TCF20: variants seen among roughly 807,000 people sequenced by gnomAD.
TCF20 encodes the protein transcription factor 20, also known as SPRE-binding protein.
Under a neutral mutation model 148.6 loss-of-function variants are expected in TCF20, and 3 were observed. The observed-to-expected ratio is 0.02, with a 90% CI of 0.01 to 0.05. The LOEUF is 0.05. TCF20 is among the 10% of genes least tolerant of loss of function. The probability of loss-of-function intolerance (pLI) is 1.00; values close to 1 mark genes in which losing one functional copy is unlikely to be tolerated. For synonymous variants in TCF20, 1,049 were observed against 909.5 expected, an observed-to-expected ratio of 1.15 and a Z score of -2.76; for missense variants, 2,350 against 2,429.3, an observed-to-expected ratio of 0.97 and a Z score of 0.69.
intron 1 of TCF20, among the ~76,000 whole-genome samples, chr22:42,309,126 G>A (rs1927486866): frequency 6.6e-6 from 1 of 152,096 alleles, no homozygotes; most frequent in Admixed American, 6.5e-5. Context: ...GGAGGCGGTG[G>A]ACCATGCCCA....
intron 5 of TCF20, among the ~76,000 whole-genome samples, chr22:42,166,506 G>A (rs2147044633): frequency 6.6e-6 from 1 of 152,124 alleles, no homozygotes; most frequent in East Asian, 1.9e-4. Context: ...TACTCGGGAG[G>A]GCTGAGGCGG....
chr22:42,289,509 T>C lies in TCF20; in HGVS notation c.-37+53970A>G, dbSNP rs551339957. 5.9e-5 allele frequency among the ~76,000 whole-genome samples: 9 copies of C among 152,290 alleles called. No homozygotes were observed. The East Asian group carries it at 1.7e-3, about 29-fold the overall frequency. Reference sequence around the variant, plus strand: ...CTCCTCCATGAAGTGGGAAAAATAATAGACTTTCCCCTGAGATGGCAAGGT... The same window carrying C: ...CTCCTCCATGAAGTGGGAAAAATAACAGACTTTCCCCTGAGATGGCAAGGT... On this transcript the variant is annotated intron_variant, in intron 1 of 1. Transcript: ENST00000515426.
At chr22:42,197,751 T>C (rs533662688) in intron 2 of TCF20, among the ~76,000 whole-genome samples, 1 of 152,068 alleles carries the variant, frequency 6.6e-6, no homozygotes, top group African/African-American at 2.4e-5. Flanking sequence ...GAAAAACAAA[T>C]TGAGAATAAT....
At chr22:42,255,488 A>AAAC (rs71746301) in intron 1 of TCF20, among the ~76,000 whole-genome samples, 173 of 29,308 alleles carry the variant, frequency 5.9e-3, no homozygotes, top group Admixed American at 0.019. Flanking sequence ...ACTTCATCTC[A>AAAC]AACAACAACA....
chr22:42,311,085 A>G (rs768270310), intron 1 of TCF20, among the ~76,000 whole-genome samples: 24 of 152,146 alleles, frequency 1.6e-4, no homozygotes, highest in Non-Finnish European at 3.1e-4. Flanking sequence ...CAGAAGGTGC[A>G]CACGAGTGCA....
chr22:42,325,701 C>T (rs1360716133), intron 1 of TCF20, among the ~76,000 whole-genome samples: 1 of 152,176 alleles, frequency 6.6e-6, no homozygotes, highest in South Asian at 2.1e-4. Flanking sequence ...CACCCAAGGA[C>T]GGCACCCTGA....
chr22:42,214,521 C>T lies in TCF20; in HGVS notation c.785G>A (p.Gly262Asp), dbSNP rs773376432. 6.2e-7 allele frequency: 1 copy of T among 1,614,152 alleles called. No homozygotes were observed. The highest frequency in any genetic ancestry group is 8.5e-7 in the Non-Finnish European group (1 of 1,180,038). ...RFSQSGQSYD[G>D]SYNVNAGSQY... The stretch of plus-strand genomic sequence containing the variant: ...AGATCCAGCATTCACATTGTAACTG[C>T]CATCATAGCTCTGTCCAGACTGGCT... Residue 262 changes from glycine (G) to aspartate (D), a missense_variant, in exon 2 of 6, where the codon GGC becomes GAC. Transcript: ENST00000677622.
chr22:42,343,262 C>T (rs1238200767), intron 1 of TCF20, among the ~76,000 whole-genome samples: 1 of 152,120 alleles, frequency 6.6e-6, no homozygotes, highest in African/African-American at 2.4e-5. Context: ...GGGACAAACA[C>T]CCCCTACTTC....
intron 2 of TCF20, among the ~76,000 whole-genome samples, chr22:42,194,117 C>T (rs941828263): frequency 8.5e-5 from 13 of 152,096 alleles, no homozygotes; most frequent in African/African-American, 3.1e-4. Flanking sequence ...CTTGGGGGTC[C>T]GTGGGAAAAG....
In TCF20 at chr22:42,212,646, T is replaced by G. The variant is rs1375461989; in HGVS notation, c.2660A>C (p.His887Pro). 6.2e-7 allele frequency: 1 copy of G among 1,614,206 alleles called. No homozygotes were observed. The highest frequency in any genetic ancestry group is 1.7e-5 in the Admixed American group (1 of 60,026). The change falls in exon 2 of 6, where the codon CAC becomes CCC. Residue 887 changes from histidine (H) to proline (P), a missense_variant. His to Pro is a moderately conservative substitution (Grantham distance 77, BLOSUM62 -2). This residue lies in a region of TCF20 where 1,641 missense variants were observed against 1,662.6 expected (regional missense o/e 0.99). Transcript: ENST00000677622. The part of the protein sequence containing the change: ...VRDPGAHSLG[H>P]MSADTRIGRN... ...CCCAATTCTGGTGTCGGCACTCATGTGTCCCAGTGAGTGAGCCCCTGGGTC... is the reference window on the plus strand; with the variant it reads ...CCCAATTCTGGTGTCGGCACTCATGGGTCCCAGTGAGTGAGCCCCTGGGTC...
upstream of TCF20, chr22:42,274,834 G>C (rs778616435): frequency 2.0e-5 from 3 of 152,214 alleles, no homozygotes; most frequent in Non-Finnish European, 2.9e-5. Context: ...AGGGCACCAT[G>C]TCCATTAAAA....
intron 3 of TCF20, among the ~76,000 whole-genome samples, chr22:42,173,016 G>T (rs1039674852): frequency 6.6e-6 from 1 of 152,010 alleles, no homozygotes; most frequent in African/African-American, 2.4e-5. Flanking sequence ...CCAGGGCTCT[G>T]ATGGCACCAG....
Position 42,297,974 on chromosome 22 carries a change from C to T in TCF20, c.-37+45505G>A, listed in dbSNP as rs1285350589. Among the ~76,000 whole-genome samples the T allele has an allele frequency of 2.0e-5, 3 of 152,208 alleles. No homozygotes were observed. The East Asian group carries it at 5.8e-4, about 29-fold the overall frequency. ...CAAAGGTGACCGCTCAGCCCAGCTG[C>T]TCACATCTGTACAAAGTGGTGGGGC... On this transcript the variant is annotated intron_variant, in intron 1 of 1. Coordinates refer to the TCF20 transcript ENST00000515426. This position sits in a 1 kb window ranked among gnomAD's most constrained non-coding sequence, Gnocchi z 4.3.
At chr22:42,284,473 C>G (rs1926986912), upstream of TCF20, among the ~76,000 whole-genome samples, 1 of 152,150 alleles carries the variant, frequency 6.6e-6, no homozygotes, top group African/African-American at 2.4e-5. Flanking sequence ...TTTTACCTGG[C>G]AAGGCTCAGA....
chr22:42,290,049 C>T lies in TCF20; in HGVS notation c.-37+53430G>A, dbSNP rs887965652. Among the ~76,000 whole-genome samples the T allele has an allele frequency of 6.6e-6, 1 of 152,240 alleles. No individual in the cohort carries two copies. Among genetic ancestry groups the T allele is most frequent in the Non-Finnish European group, 1.5e-5 (1 of 68,050 alleles). Reference sequence around the variant, plus strand: ...TCCAGGAATATTAATTCTCCACAGCCGGCTCACTCCCGCCGCACGCATGCG... The same window carrying T: ...TCCAGGAATATTAATTCTCCACAGCTGGCTCACTCCCGCCGCACGCATGCG... On this transcript the variant is annotated intron_variant, in intron 1 of 1. Coordinates refer to the TCF20 transcript ENST00000515426. This position sits in a 1 kb window ranked among gnomAD's most constrained non-coding sequence, Gnocchi z 4.2.
At position 42,176,055 on chromosome 22, in the gene TCF20, G is replaced by A. The variant is rs564128577; in HGVS notation, c.5749+3554C>T. On this transcript the variant is annotated intron_variant, in intron 3 of 5. Coordinates refer to ENST00000677622, the MANE Select transcript of TCF20 (RefSeq NM_001378418.1). ...AAGCAATCCTCCCACCTCAGCCTCCGAAAGTGCTGGGATTACAGGTGTGAG... is the reference window on the plus strand; with the variant it reads ...AAGCAATCCTCCCACCTCAGCCTCCAAAAGTGCTGGGATTACAGGTGTGAG... Among the ~76,000 whole-genome samples the A allele has an allele frequency of 6.0e-5, 9 of 150,854 alleles. 1 individual carries two copies. The South Asian group carries it at 1.3e-3, about 21-fold the overall frequency.
intron 1 of TCF20, among the ~76,000 whole-genome samples, chr22:42,337,810 T>G (rs1014545034): frequency 2.6e-5 from 4 of 152,274 alleles, no homozygotes; most frequent in Admixed American, 6.5e-5. Context: ...TTCCATGTGA[T>G]GACCTTATCC....
Position 42,161,176 on chromosome 22 carries a change from C to T in TCF20, c.*227G>A, listed in dbSNP as rs1030616927. On this transcript the variant is annotated 3_prime_UTR_variant, in exon 6 of 6. Coordinates refer to ENST00000677622, the MANE Select transcript of TCF20 (RefSeq NM_001378418.1). Reference sequence around the variant, plus strand: ...GTGTCCATGGAAACAGCCATTCCAACGTCTTGGGTCTTTCTTTCCTGTGGT... The same window carrying T: ...GTGTCCATGGAAACAGCCATTCCAATGTCTTGGGTCTTTCTTTCCTGTGGT... 4.8e-5 allele frequency: 23 copies of T among 479,086 alleles called. No homozygotes were observed. In the Middle Eastern group the frequency reaches 1.9e-3, roughly 39 times the overall value. 29.7% of individuals were successfully genotyped at this position (479,086 alleles called of 1,614,324 possible).
upstream of TCF20, chr22:42,275,299 TG>T (rs1379071482): frequency 6.6e-6 from 1 of 152,294 alleles, no homozygotes; most frequent in Non-Finnish European, 1.5e-5. Flanking sequence ...ACCCCATGCC[TG>T]GAAGACCACG....
Sources: gnomAD v4.1 joint callset for allele counts (sites outside exome capture counted in the v4.1 genomes callset) on GRCh38, gnomAD v4.1.1 for gene constraint, gnomAD v4.1.1 regional missense constraint, Gnocchi (gnomAD v3.1) non-coding constraint, MANE v1.5 for transcripts, NCBI Gene and HGNC (gene_info 2026-07-23, HGNC 2026-07-21) for gene names.